NCF2: variants seen among roughly 807,000 people sequenced by gnomAD.
The protein encoded by NCF2 is neutrophil cytosol factor 2.
In NCF2, 45 loss-of-function variants were observed where a neutral mutation model predicts 70.9. The observed-to-expected ratio is 0.63, with a 90% CI of 0.50 to 0.81. The LOEUF (loss-of-function observed/expected upper bound fraction) is 0.81. Among genes scored for constraint, NCF2 ranks in the 40% least tolerant of loss-of-function variants. The probability of loss-of-function intolerance (pLI) is 0.00; values close to 1 mark genes in which losing one functional copy is unlikely to be tolerated. For missense variants in NCF2, 522 were observed against 631.6 expected (o/e 0.83, Z 1.86); for synonymous variants, 203 against 233.6 (o/e 0.87, Z 1.19).
At chr1:183,593,145 A>G (rs12096970), upstream of NCF2, among the ~76,000 whole-genome samples, 1 of 62,688 alleles carries the variant, frequency 1.6e-5, no homozygotes, top group Admixed American at 1.6e-4. Flanking sequence ...TAGCACCTCA[A>G]ATAGTGTGCC....
rs778645987 is a variant in NCF2, at chr1:183,556,064, T to TACAA, written c.*50_*53dup. The TACAA allele has an allele frequency of 4.3e-5, 63 of 1,459,608 alleles. No individual in the cohort carries two copies. The highest frequency in any genetic ancestry group is 6.1e-5 in the Non-Finnish European group (63 of 1,039,538). 90.4% of individuals were successfully genotyped at this position (1,459,608 alleles called of 1,614,324 possible). ...TATACAGCAGAAGGGTGCTAAATCTTACAAACAAGTAATAGGGCTTCATTT... is the reference window on the plus strand; with the variant it reads ...TATACAGCAGAAGGGTGCTAAATCTTACAAACAAACAAGTAATAGGGCTTCATTT... On this transcript the variant is annotated 3_prime_UTR_variant, in exon 15 of 15. Transcript: ENST00000367535.
At chr1:183,559,058 G>C (rs1671921114) in intron 14 of NCF2, among the ~76,000 whole-genome samples, 1 of 152,252 alleles carries the variant, frequency 6.6e-6, no homozygotes. Context: ...TGCTTCTTAA[G>C]AGTGTAGGCA....
At chr1:183,566,868 A>C in intron 9 of NCF2, 52 bp downstream of exon 9, 35 of 1,598,078 alleles carry the variant, frequency 2.2e-5, no homozygotes, top group Non-Finnish European at 2.9e-5. Context: ...CCCTCCAGGG[A>C]GAGATCCCTA....
intron 6 of NCF2, among the ~76,000 whole-genome samples, chr1:183,569,966 A>G (rs981651575): frequency 6.6e-6 from 1 of 152,202 alleles, no homozygotes; most frequent in African/African-American, 2.4e-5. Flanking sequence ...ACTGAATACC[A>G]TGGAATCCAG....
upstream of NCF2, among the ~76,000 whole-genome samples, chr1:183,592,361 C>T (rs886289580): frequency 1.3e-5 from 2 of 152,192 alleles, no homozygotes; most frequent in African/African-American, 4.8e-5. Flanking sequence ...TAAATGTCAC[C>T]AACTGTGCTA....
intron 13 of NCF2, 32 bp from the exon 14 acceptor site, chr1:183,560,305 A>G: frequency 6.2e-7 from 1 of 1,612,714 alleles, no homozygotes; most frequent in Non-Finnish European, 8.5e-7. Flanking sequence ...TAATTTTCCC[A>G]ATTTCCTGCC....
At chr1:183,598,746 A>G in the NCF2 span, among the ~76,000 whole-genome samples, 15 of 152,224 alleles carry the variant, frequency 9.9e-5, no homozygotes, top group Admixed American at 2.0e-4. Flanking sequence ...AGCTATACAG[A>G]TAATTGAAGA....
At chr1:183,580,796 G>T (rs919628299) in intron 2 of NCF2, among the ~76,000 whole-genome samples, 2 of 152,066 alleles carry the variant, frequency 1.3e-5, no homozygotes, top group African/African-American at 4.8e-5. Flanking sequence ...GGCCAACATG[G>T]TGAAACCCCG....
At chr1:183,593,198 G>A (rs1308771508), upstream of NCF2, among the ~76,000 whole-genome samples, 1 of 151,928 alleles carries the variant, frequency 6.6e-6, no homozygotes, top group Non-Finnish European at 1.5e-5. Flanking sequence ...TATCCCCCAG[G>A]GCACTAGCAA....
At chr1:183,557,510 G>GT (rs1671844872) in intron 14 of NCF2, among the ~76,000 whole-genome samples, 1 of 152,218 alleles carries the variant, frequency 6.6e-6, no homozygotes. Flanking sequence ...GCACATTAAA[G>GT]TTTGAGAAAC....
chr1:183,588,984 G>T (rs1467924914), intron 1 of NCF2, among the ~76,000 whole-genome samples: 3 of 152,236 alleles, frequency 2.0e-5, no homozygotes, highest in Non-Finnish European at 2.9e-5. Flanking sequence ...AGAATGTGTG[G>T]TGCTGTTCAC....
rs567773372 is a variant in NCF2, at chr1:183,560,381, C to T, written c.1291-108G>A. ...CAAAGTAGAACCTGGGATATAAACT[C>T]ATAAAGTTTGTGATCAGTGCCTTGT... On this transcript the variant is annotated intron_variant, in intron 13 of 14. Coordinates refer to ENST00000367535, the MANE Select transcript of NCF2 (RefSeq NM_000433.4). 80 of 1,292,708 alleles carry T rather than the reference C, an allele frequency of 6.2e-5. No homozygotes were observed. The South Asian group carries it at 9.5e-4, about 15-fold the overall frequency. The allele number at this position is 1,292,708 out of a possible 1,614,324, so 80.1% of individuals were successfully genotyped here.
intron 5 of NCF2, among the ~76,000 whole-genome samples, chr1:183,572,083 C>A (rs1168445361): frequency 6.6e-6 from 1 of 152,214 alleles, no homozygotes; most frequent in African/African-American, 2.4e-5. Context: ...GACCACTGGG[C>A]AACTTTAGCC....
intron 13 of NCF2, among the ~76,000 whole-genome samples, chr1:183,562,823 CAA>C (rs869202704): frequency 1.5e-4 from 16 of 107,490 alleles, no homozygotes; most frequent in Non-Finnish European, 1.6e-4. Flanking sequence ...GACTCCATCT[CAA>C]AAAAAAAAAA....
At chr1:183,562,887 T>C (rs1348757049) in intron 13 of NCF2, among the ~76,000 whole-genome samples, 1 of 151,626 alleles carries the variant, frequency 6.6e-6, no homozygotes, top group Non-Finnish European at 1.5e-5. Context: ...TATGACTTCA[T>C]TCCAACCTTG....
At chr1:183,575,196 G>A (rs1343933970) in intron 3 of NCF2, among the ~76,000 whole-genome samples, 5 of 152,226 alleles carry the variant, frequency 3.3e-5, no homozygotes, top group East Asian at 1.9e-4. Context: ...CAGGCCAGGC[G>A]CAGTGGCTCA....
At chr1:183,590,601 G>A (rs1673601144), upstream of NCF2, 2 of 508,256 alleles carry the variant, frequency 3.9e-6, no homozygotes, top group Non-Finnish European at 7.2e-6. Context: ...TAGGGGTGGA[G>A]TGTGGAGGAG....
Position 183,588,812 on chromosome 1 carries a change from A to G in NCF2, c.174+1344T>C, listed in dbSNP as rs1424940659. ...GAGAAACAGAGACATGTGGGCCTGA[A>G]GGCCTGGGAGCTGAGAAGTGAGTGG... On this transcript the variant is annotated intron_variant, in intron 1 of 14. Transcript: ENST00000367535. Among the ~76,000 whole-genome samples the G allele has an allele frequency of 3.6e-4, 55 of 152,360 alleles. 1 individual carries two copies. The highest frequency in any genetic ancestry group is 1.2e-4 in the Non-Finnish European group (8 of 68,040).
intron 4 of NCF2, 114 bp downstream of exon 4, chr1:183,574,373 C>G (rs1221172757): frequency 5.5e-6 from 8 of 1,461,002 alleles, no homozygotes; most frequent in Middle Eastern, 2.2e-4. Context: ...TCAGTGTTAC[C>G]CAGACTCACA....
Sources: gnomAD v4.1 joint callset for allele counts (sites outside exome capture counted in the v4.1 genomes callset) on GRCh38, gnomAD v4.1.1 for gene constraint, MANE v1.5 for transcripts, NCBI Gene and HGNC (gene_info 2026-07-23, HGNC 2026-07-21) for gene names.